The following SGSM2 variants were observed in gnomAD, a reference collection of about 807,000 sequenced individuals.
SGSM2 encodes RUN and TBC1 domain containing 1.
Under a neutral mutation model 126.6 loss-of-function variants are expected in SGSM2, and 89 were observed. The observed-to-expected ratio is 0.70, with a 90% CI of 0.59 to 0.84. The LOEUF is 0.84. Among genes scored for constraint, SGSM2 ranks in the 40% least tolerant of loss-of-function variants. The probability of loss-of-function intolerance (pLI) is 0.00; values close to 1 mark genes in which losing one functional copy is unlikely to be tolerated. For synonymous variants in SGSM2, 614 were observed against 574.3 expected (o/e 1.07, Z -0.99); for missense variants, 1,404 against 1,416.6 (o/e 0.99, Z 0.14).
chr17:2,364,288 C>A, intron 8 of SGSM2, 105 bp downstream of exon 8: 1 of 1,431,990 alleles, frequency 7.0e-7, no homozygotes, highest in South Asian at 1.2e-5. Context: ...CAACCTCACT[C>A]TTTATTTGGA....
At position 2,379,671 on chromosome 17, in the gene SGSM2, G is replaced by A; in HGVS notation, c.*151G>A. The A allele has an allele frequency of 2.8e-6, 4 of 1,447,216 alleles. No homozygotes were observed. The highest frequency in any genetic ancestry group is 3.6e-6 in the Non-Finnish European group (4 of 1,096,598). 89.6% of individuals were successfully genotyped at this position (1,447,216 alleles called of 1,614,324 possible). A position where few individuals can be genotyped will look rare whatever the true frequency, so the allele number is the denominator to read the frequency against. ...GAGCCTGGATCCGACTCCCGGCAGT[G>A]CTGACCCTGCAGGGCAAGTCAGGGG... On this transcript the variant is annotated 3_prime_UTR_variant, in exon 24 of 24. Transcript: ENST00000268989.
chr17:2,339,644 C>G (rs2064259562), intron 1 of SGSM2, among the ~76,000 whole-genome samples: 1 of 143,102 alleles, frequency 7.0e-6, no homozygotes, highest in Non-Finnish European at 1.5e-5. Context: ...GGAGGCAGAG[C>G]TTGCAGTGAG....
chr17:2,375,620 G>A lies in SGSM2; in HGVS notation c.2229G>A (p.Val743=). 1 of 1,614,058 alleles carries A rather than the reference G, an allele frequency of 6.2e-7. No homozygotes were observed. The highest frequency in any genetic ancestry group is 8.5e-7 in the Non-Finnish European group (1 of 1,180,040). Residue 743 remains valine, a synonymous_variant, in exon 18 of 24, where the codon GTG becomes GTA. Coordinates refer to ENST00000268989, the MANE Select transcript of SGSM2 (RefSeq NM_014853.3). ...CCGTGGTGGAGCAGCAGCATTCCGT[G>A]GAGTTCGACTCTCCAGACTCAGGAC... ...GTAVVEQQHS[V]EFDSPDSGLP...
chr17:2,367,151 TCTGTGCC>T lies in SGSM2; in HGVS notation c.1289-116_1289-110del. 8.4e-7 allele frequency: 1 copy of T among 1,190,228 alleles called. No individual in the cohort carries two copies. The allele number at this position is 1,190,228 out of a possible 1,614,324, so 73.7% of individuals were successfully genotyped here. A position where few individuals can be genotyped will look rare whatever the true frequency, so the allele number is the denominator to read the frequency against. On this transcript the variant is annotated intron_variant, in intron 11 of 23. Transcript: ENST00000268989. The surrounding 1 kb of genome is among the most constrained non-coding windows in gnomAD (Gnocchi z 4.0). ...TTTCTGGTCCCCTCCCTTCCCCTCT[TCTGTGCC>T]CTGCAGATTCACGATGACCCCGGCC...
rs772199204 is a variant in SGSM2 at position 2,363,113 on chromosome 17, T to C, written c.651T>C (p.Pro217=). The change falls in exon 6 of 24, where the codon CCT becomes CCC. Residue 217 remains proline, a synonymous_variant. Coordinates refer to ENST00000268989, the MANE Select transcript of SGSM2 (RefSeq NM_014853.3). The surrounding 1 kb of genome is among the most constrained non-coding windows in gnomAD (Gnocchi z 4.2). The part of the protein sequence containing the change: ...IRGPPTRQDS[P]AKRPALGIRK... ...GTCCACCTACTCGCCAGGACTCCCC[T>C]GCAAAGCGCCCAGCCCTGGGGGTAG... 3.1e-5 allele frequency: 50 copies of C among 1,608,610 alleles called. No individual in the cohort carries two copies. The highest frequency in any genetic ancestry group is 4.2e-5 in the Non-Finnish European group (50 of 1,178,164).
At chr17:2,368,387 C>T (rs927918453) in intron 12 of SGSM2, among the ~76,000 whole-genome samples, 1 of 152,142 alleles carries the variant, frequency 6.6e-6, no homozygotes, top group Non-Finnish European at 1.5e-5. Context: ...CTCCCAGAGA[C>T]GAGGGGAGCT....
intron 21 of SGSM2, chr17:2,377,569 C>G: frequency 3.8e-6 from 1 of 262,288 alleles, no homozygotes; most frequent in South Asian, 6.4e-5. Flanking sequence ...CATGAAAGTT[C>G]TGGCGAACAG....
chr17:2,375,979 G>A (rs1032903262), intron 18 of SGSM2, 104 bp downstream of exon 18: 2 of 1,505,762 alleles, frequency 1.3e-6, no homozygotes, highest in African/African-American at 2.8e-5. Flanking sequence ...CGCCCTGACT[G>A]CCCTGGAAGG....
rs546412784 is a variant in SGSM2 at position 2,378,081 on chromosome 17, C to A, written c.2899+128C>A. On this transcript the variant is annotated intron_variant, in intron 22 of 23. Coordinates refer to ENST00000268989, the MANE Select transcript of SGSM2 (RefSeq NM_014853.3). ...TGGGGAGCTTTAAAACCTGCCAGAA[C>A]CCTGGCCCCACCCAGCCCAGACTCA... 13 of 587,492 alleles carry A rather than the reference C, an allele frequency of 2.2e-5. No homozygotes were observed. In the South Asian group the frequency reaches 2.3e-4, roughly 10 times the overall value. The allele number at this position is 587,492 out of a possible 1,614,324, so 36.4% of individuals were successfully genotyped here.
chr17:2,348,402 G>A (rs993666347), intron 2 of SGSM2, among the ~76,000 whole-genome samples: 1 of 152,090 alleles, frequency 6.6e-6, no homozygotes, highest in African/African-American at 2.4e-5. Context: ...AGGAGGAGCG[G>A]GTTCCTCCTC....
intron 1 of SGSM2, among the ~76,000 whole-genome samples, chr17:2,338,018 G>A (rs1240353020): frequency 2.0e-5 from 3 of 152,120 alleles, no homozygotes; most frequent in African/African-American, 7.2e-5. Flanking sequence ...GGAGCCCAAG[G>A]CCGGGGGAGG....
rs1490761636 is a variant in SGSM2, at chr17:2,365,201, C to T, written c.1162-14C>T. ...TGCCCTATACAGCCCGACCACCTAC[C>T]CCTCCTTCCACAGGGGAAAGTGTTC... is the stretch of plus-strand genomic sequence containing the variant. On this transcript the variant is annotated splice_polypyrimidine_tract_variant and intron_variant, in intron 10 of 23. Transcript: ENST00000268989. 9 of 1,605,206 alleles carry T rather than the reference C, an allele frequency of 5.6e-6. No homozygotes were observed. The highest frequency in any genetic ancestry group is 2.2e-5 in the East Asian group (1 of 44,732).
At chr17:2,342,395 G>T (rs892417292) in intron 1 of SGSM2, among the ~76,000 whole-genome samples, 14 of 152,054 alleles carry the variant, frequency 9.2e-5, no homozygotes, top group Non-Finnish European at 2.1e-4. Flanking sequence ...CTTCACTCCA[G>T]CCTGGGCAAA....
chr17:2,354,589 T>A (rs1245262047), intron 2 of SGSM2, among the ~76,000 whole-genome samples: 3 of 152,196 alleles, frequency 2.0e-5, no homozygotes, highest in African/African-American at 7.2e-5. Flanking sequence ...CTTTTGCTGT[T>A]ATAACTAAAT....
At chr17:2,347,631 G>C (rs1387126847) in intron 2 of SGSM2, among the ~76,000 whole-genome samples, 1 of 150,112 alleles carries the variant, frequency 6.7e-6, no homozygotes, top group Admixed American at 6.6e-5. Context: ...AGGGGAAGGT[G>C]CTTTTGTTTT....
chr17:2,360,688 TTCTG>T (rs534999800), intron 2 of SGSM2, among the ~76,000 whole-genome samples: 8 of 152,382 alleles, frequency 5.2e-5, no homozygotes, highest in Admixed American at 1.3e-4. Context: ...TCAGACTTTG[TTCTG>T]TCTGACTGTC....
Position 2,371,881 on chromosome 17 carries a change from G to C in SGSM2, c.1578-309G>C, listed in dbSNP as rs556130342. 91 of 448,636 alleles carry C rather than the reference G, an allele frequency of 2.0e-4. 1 individual carries two copies. The highest frequency in any genetic ancestry group is 1.8e-3 in the African/African-American group (87 of 49,406). 27.8% of individuals were successfully genotyped at this position (448,636 alleles called of 1,614,324 possible). ...CTCTTTTACCTTTACTTCGTCTTCCGTTTATTAATCCTGATGATCCTCCGC... is the reference window on the plus strand; with the variant it reads ...CTCTTTTACCTTTACTTCGTCTTCCCTTTATTAATCCTGATGATCCTCCGC... On this transcript the variant is annotated intron_variant, in intron 13 of 23. Coordinates refer to ENST00000268989, the MANE Select transcript of SGSM2 (RefSeq NM_014853.3).
chr17:2,341,825 G>A (rs1006672885), intron 1 of SGSM2, among the ~76,000 whole-genome samples: 1 of 152,290 alleles, frequency 6.6e-6, no homozygotes, highest in South Asian at 2.1e-4. Flanking sequence ...TAAAGTGTGT[G>A]CATCAGACAT....
At chr17:2,374,590 A>T (rs1051026649) in intron 17 of SGSM2, 21 of 151,588 alleles carry the variant, frequency 1.4e-4, no homozygotes, top group African/African-American at 2.9e-4. Flanking sequence ...GAAATAAAAT[A>T]AAAAAAAAGA....
Sources: gnomAD v4.1 joint callset for allele counts (sites outside exome capture counted in the v4.1 genomes callset) on GRCh38, gnomAD v4.1.1 for gene constraint, Gnocchi (gnomAD v3.1) non-coding constraint, MANE v1.5 for transcripts, NCBI Gene and HGNC (gene_info 2026-07-23, HGNC 2026-07-21) for gene names.